Variants in KRABD5 observed in about 807,000 individuals in gnomAD.
KRABD5 encodes the protein KRAB domain containing 5.
At chr16:31,725,801 C>T in the KRABD5 span, among the ~76,000 whole-genome samples, 1 of 152,164 alleles carries the variant, frequency 6.6e-6, no homozygotes, top group African/African-American at 2.4e-5. Flanking sequence ...TAGTCAGGTC[C>T]TTTGCATATT....
At chr16:31,757,984 C>G in the KRABD5 span, 16 of 151,952 alleles carry the variant, frequency 1.1e-4, no homozygotes, top group Non-Finnish European at 2.1e-4. Context: ...CATAGATAGA[C>G]GATTCAGAGA....
At chr16:31,724,890 T>G in the KRABD5 span, among the ~76,000 whole-genome samples, 1 of 152,148 alleles carries the variant, frequency 6.6e-6, no homozygotes, top group Non-Finnish European at 1.5e-5. Flanking sequence ...ACTTTACTTC[T>G]ATGAACTCAC....
the KRABD5 span, among the ~76,000 whole-genome samples, chr16:31,730,241 TG>T: frequency 6.6e-6 from 1 of 151,610 alleles, no homozygotes; most frequent in African/African-American, 2.4e-5. Context: ...TTTTTTTTGG[TG>T]GGGGGGTCTT....
chr16:31,735,779 A>G, the KRABD5 span, among the ~76,000 whole-genome samples: 1 of 152,006 alleles, frequency 6.6e-6, no homozygotes, highest in East Asian at 1.9e-4. Context: ...TGTTTGTTTT[A>G]TTTTGAGATT....
At chr16:31,720,311 T>C in the KRABD5 span, among the ~76,000 whole-genome samples, 1 of 152,236 alleles carries the variant, frequency 6.6e-6, no homozygotes, top group Non-Finnish European at 1.5e-5. Context: ...GATTAGAGTA[T>C]TGGGTGTAAG....
chr16:31,735,869 C>T, the KRABD5 span, among the ~76,000 whole-genome samples: 1 of 152,274 alleles, frequency 6.6e-6, no homozygotes, highest in African/African-American at 2.4e-5. Flanking sequence ...TCTAGGTTGT[C>T]TCTTCACTCT....
the KRABD5 span, chr16:31,761,099 C>T: frequency 6.6e-6 from 1 of 152,262 alleles, no homozygotes; most frequent in South Asian, 2.1e-4. Flanking sequence ...AGACTAGTTA[C>T]TTGACTTGGA....
At chr16:31,739,813 G>T in the KRABD5 span, among the ~76,000 whole-genome samples, 3 of 152,268 alleles carry the variant, frequency 2.0e-5, no homozygotes, top group East Asian at 3.9e-4. Flanking sequence ...AAGGTTGTGG[G>T]TTTACCGGAA....
At chr16:31,713,344 T>A in the KRABD5 span, 14 of 1,552,726 alleles carry the variant, frequency 9.0e-6, no homozygotes, top group South Asian at 1.1e-4. Context: ...CTTCGCGTTC[T>A]GAGAATAGAC....
the KRABD5 span, among the ~76,000 whole-genome samples, chr16:31,746,991 T>C: frequency 8.6e-5 from 13 of 151,940 alleles, no homozygotes; most frequent in Admixed American, 8.5e-4. Flanking sequence ...TCTGTTTTTT[T>C]TTTTAATTAT....
At chr16:31,754,046 TGTAA>T in the KRABD5 span, 84 of 962,940 alleles carry the variant, frequency 8.7e-5, no homozygotes, top group East Asian at 1.9e-3. Context: ...CATGTGTTTC[TGTAA>T]GTAAGTGTCA....
At chr16:31,730,077 G>A in the KRABD5 span, among the ~76,000 whole-genome samples, 2 of 151,928 alleles carry the variant, frequency 1.3e-5, no homozygotes, top group Admixed American at 6.6e-5. Context: ...TACAATATTC[G>A]AGTATTCTGA....
the KRABD5 span, chr16:31,722,492 G>A: frequency 1.0e-6 from 1 of 955,730 alleles, no homozygotes; most frequent in Non-Finnish European, 1.6e-6. Flanking sequence ...GTGTTTAAAA[G>A]TATCTTATTG....
the KRABD5 span, chr16:31,759,077 A>C: frequency 3.3e-6 from 1 of 302,836 alleles, no homozygotes. Context: ...AACCACTAAA[A>C]AATGCAAAGA....
At chr16:31,735,770 G>A in the KRABD5 span, among the ~76,000 whole-genome samples, 136 of 152,134 alleles carry the variant, frequency 8.9e-4, no homozygotes, top group African/African-American at 3.2e-3. Flanking sequence ...TGGATTGTAT[G>A]TTTGTTTTAT....
the KRABD5 span, among the ~76,000 whole-genome samples, chr16:31,727,697 A>G: frequency 6.6e-6 from 1 of 151,956 alleles, no homozygotes; most frequent in African/African-American, 2.4e-5. Context: ...TGGTCTGTTC[A>G]GTGTTTCTGT....
At chr16:31,716,783 G>A in the KRABD5 span, among the ~76,000 whole-genome samples, 1 of 152,106 alleles carries the variant, frequency 6.6e-6, no homozygotes. Context: ...CAAGATTATG[G>A]CCCTAGATCT....
chr16:31,754,713 G>C, the KRABD5 span: 1 of 458,642 alleles, frequency 2.2e-6, no homozygotes, highest in Non-Finnish European at 4.4e-6. Context: ...AAGTCACACA[G>C]ATGTAATAAT....
chr16:31,749,095 C>T, the KRABD5 span, among the ~76,000 whole-genome samples: 1 of 152,236 alleles, frequency 6.6e-6, no homozygotes, highest in Admixed American at 6.5e-5. Flanking sequence ...AGACTGTTGT[C>T]ACCCCTCTCG....
Sources: allele counts gnomAD v4.1 joint callset (sites outside exome capture counted in the v4.1 genomes callset), GRCh38; gene constraint gnomAD v4.1.1; transcripts MANE v1.5; gene names NCBI Gene and HGNC (gene_info 2026-07-23, HGNC 2026-07-21).